The following OSBPL3 variants were observed in gnomAD, a reference collection of about 807,000 sequenced individuals.
OSBPL3 encodes oxysterol-binding protein-related protein 3.
Under a neutral mutation model 120.1 loss-of-function variants are expected in OSBPL3, and 65 were observed. That is an observed-to-expected ratio of 0.54 (90% CI 0.44 to 0.67). The LOEUF is 0.67. OSBPL3 is among the 30% of genes least tolerant of loss of function. The probability of loss-of-function intolerance (pLI) is 0.00; values close to 1 mark genes in which losing one functional copy is unlikely to be tolerated. For missense variants in OSBPL3, 1,004 were observed against 1,082.1 expected (o/e 0.93, Z 1.01); for synonymous variants, 416 against 402.6 (o/e 1.03, Z -0.40).
intron 1 of OSBPL3, among the ~76,000 whole-genome samples, chr7:24,908,611 G>C (rs1278530150): frequency 6.6e-6 from 1 of 152,172 alleles, no homozygotes; most frequent in African/African-American, 2.4e-5. Flanking sequence ...ACCGTGGTGA[G>C]ACAGATCCAG....
chr7:24,841,923 G>C (rs540811972), intron 13 of OSBPL3, among the ~76,000 whole-genome samples: 1 of 151,460 alleles, frequency 6.6e-6, no homozygotes, highest in South Asian at 2.1e-4. Flanking sequence ...TGAGGCTGGA[G>C]AATCACTTGA....
rs936204856 is a variant in OSBPL3, at chr7:24,894,583, T to G, written c.-149-1962A>C. ...CTGTGCTTGGGGCGGGGAGGGGGCA[T>G]CCACTGCTATGGCAACAGATTCCAC... On this transcript the variant is annotated intron_variant, in intron 1 of 22. Coordinates refer to ENST00000313367, the MANE Select transcript of OSBPL3 (RefSeq NM_015550.4). This position sits in a 1 kb window ranked among gnomAD's most constrained non-coding sequence, Gnocchi z 4.1. Among the ~76,000 whole-genome samples the G allele has an allele frequency of 6.6e-6, 1 of 152,010 alleles. No homozygotes were observed. Among genetic ancestry groups the G allele is most frequent in the African/African-American group, 2.4e-5 (1 of 41,386 alleles).
At chr7:24,807,471 C>T (rs527467300) in intron 20 of OSBPL3, among the ~76,000 whole-genome samples, 2 of 151,700 alleles carry the variant, frequency 1.3e-5, no homozygotes, top group African/African-American at 2.4e-5. Flanking sequence ...CCAGCCTGGG[C>T]GACAAGAGCG....
At chr7:24,814,021 G>A (rs1055130014) in intron 19 of OSBPL3, among the ~76,000 whole-genome samples, 16 of 152,124 alleles carry the variant, frequency 1.1e-4, no homozygotes, top group African/African-American at 3.4e-4. Flanking sequence ...TGGAGTCAAG[G>A]ATGATGAGGA....
In OSBPL3 at chr7:24,863,625, C is replaced by T. The variant is rs1269880483; in HGVS notation, c.674-26G>A. The T allele has an allele frequency of 4.4e-6, 6 of 1,376,422 alleles. No individual in the cohort carries two copies. The highest frequency in any genetic ancestry group is 5.2e-6 in the Non-Finnish European group (5 of 963,262). 85.3% of individuals were successfully genotyped at this position (1,376,422 alleles called of 1,614,324 possible). A position where few individuals can be genotyped will look rare whatever the true frequency, so the allele number is the denominator to read the frequency against. ...CTGTGGGGGAAAAGAGGACAGTGCT[C>T]ACAATGCTCCACTAGCAAGAGGGAT... On this transcript the variant is annotated intron_variant, in intron 7 of 22. Transcript: ENST00000313367. The surrounding 1 kb of genome is among the most constrained non-coding windows in gnomAD (Gnocchi z 5.8).
At chr7:24,885,227 CAAAAAAA>C (rs59823834) in intron 2 of OSBPL3, among the ~76,000 whole-genome samples, 2 of 112,190 alleles carry the variant, frequency 1.8e-5, no homozygotes, top group South Asian at 5.1e-4. Flanking sequence ...GTCTCAAAAA[CAAAAAAA>C]AAAAAAAAGA....
intron 12 of OSBPL3, among the ~76,000 whole-genome samples, chr7:24,844,892 T>C (rs561204857): frequency 5.3e-5 from 8 of 152,194 alleles, no homozygotes; most frequent in Non-Finnish European, 1.0e-4. Flanking sequence ...TCTGCTCCAT[T>C]CACTAACCAT....
intron 1 of OSBPL3, among the ~76,000 whole-genome samples, chr7:24,905,657 T>C (rs1311649625): frequency 1.3e-5 from 2 of 152,154 alleles, no homozygotes; most frequent in Non-Finnish European, 2.9e-5. Context: ...GAGTCATGAC[T>C]CCATACTGAT....
At chr7:24,811,309 C>T (rs1037041192) in intron 19 of OSBPL3, among the ~76,000 whole-genome samples, 1 of 152,082 alleles carries the variant, frequency 6.6e-6, no homozygotes, top group Non-Finnish European at 1.5e-5. Flanking sequence ...ATCTATTGGC[C>T]ACTTGTATGT....
chr7:24,869,360 A>G (rs1367360766), intron 5 of OSBPL3, among the ~76,000 whole-genome samples: 1 of 152,250 alleles, frequency 6.6e-6, no homozygotes, highest in Admixed American at 6.5e-5. Flanking sequence ...ACCTGAAGAA[A>G]TAACCTAAAC....
At position 24,968,364 on chromosome 7, in the gene OSBPL3, C is replaced by T. The variant is rs116354060; in HGVS notation, c.-150+11522G>A. Reference sequence around the variant, plus strand: ...TTGGGAAGTCACGCACAGTTGGTTCCCACATGCCGGTGTAAACTGGCTTCA... The same window carrying T: ...TTGGGAAGTCACGCACAGTTGGTTCTCACATGCCGGTGTAAACTGGCTTCA... On this transcript the variant is annotated intron_variant, in intron 1 of 22. Transcript: ENST00000313367. This position sits in a 1 kb window ranked among gnomAD's most constrained non-coding sequence, Gnocchi z 4.6. Among the ~76,000 whole-genome samples, 2,280 of 152,282 alleles carry T rather than the reference C, an allele frequency of 0.015. 67 individuals carry two copies. Among genetic ancestry groups the T allele is most frequent in the African/African-American group, 0.052 (2,177 of 41,564 alleles).
At chr7:24,905,645 A>G (rs995394485) in intron 1 of OSBPL3, among the ~76,000 whole-genome samples, 2 of 152,198 alleles carry the variant, frequency 1.3e-5, no homozygotes, top group Admixed American at 1.3e-4. Flanking sequence ...GTCCAGGGCT[A>G]AGAGTCATGA....
intron 1 of OSBPL3, among the ~76,000 whole-genome samples, chr7:24,944,624 C>CAAAA (rs34339147): frequency 7.6e-6 from 1 of 131,934 alleles, no homozygotes; most frequent in Non-Finnish European, 1.6e-5. Flanking sequence ...AGCGAGACTC[C>CAAAA]AAAAAAAAAA....
intron 1 of OSBPL3, among the ~76,000 whole-genome samples, chr7:24,977,855 C>G (rs972410314): frequency 6.6e-6 from 1 of 151,828 alleles, no homozygotes; most frequent in Non-Finnish European, 1.5e-5. Context: ...GACTACGTCT[C>G]AAAAAAAGAA....
In OSBPL3 at chr7:24,881,088, CTCTT is replaced by C. The variant is rs1803621162; in HGVS notation, c.97-9023_97-9020del. On this transcript the variant is annotated intron_variant, in intron 2 of 22. Coordinates refer to ENST00000313367, the MANE Select transcript of OSBPL3 (RefSeq NM_015550.4). The surrounding 1 kb of genome is among the most constrained non-coding windows in gnomAD (Gnocchi z 4.3). ...CAGCACCAGCTGAGAACAGTGCTCT[CTCTT>C]ACAGAGTGCTCAAAACTATTTTTTC... 1.3e-5 allele frequency among the ~76,000 whole-genome samples: 2 copies of C among 152,312 alleles called. No homozygotes were observed. Among genetic ancestry groups the C allele is most frequent in the East Asian group, 3.9e-4 (2 of 5,188 alleles).
At chr7:24,942,502 T>C (rs918638822) in intron 1 of OSBPL3, among the ~76,000 whole-genome samples, 83 of 152,156 alleles carry the variant, frequency 5.5e-4, no homozygotes, top group African/African-American at 1.9e-3. Flanking sequence ...ACCAGCAGAA[T>C]AGGGAATCCT....
At position 24,834,913 on chromosome 7, in the gene OSBPL3, A is replaced by G. The variant is rs1387553539; in HGVS notation, c.1496-177T>C. Among the ~76,000 whole-genome samples, 7 of 152,242 alleles carry G rather than the reference A, an allele frequency of 4.6e-5. No individual in the cohort carries two copies. ...AGAATTCTGAGCAATTAAATACCAA[A>G]AATGACACACACTAAAACCCATCGA... is the stretch of plus-strand genomic sequence containing the variant. On this transcript the variant is annotated intron_variant, in intron 14 of 22. Transcript: ENST00000313367. This position sits in a 1 kb window ranked among gnomAD's most constrained non-coding sequence, Gnocchi z 5.2.
rs1390575023 is a variant in OSBPL3 at position 24,817,039 on chromosome 7, T to C, written c.1949-351A>G. On this transcript the variant is annotated intron_variant, in intron 17 of 22. Coordinates refer to ENST00000313367, the MANE Select transcript of OSBPL3 (RefSeq NM_015550.4). The surrounding 1 kb of genome is among the most constrained non-coding windows in gnomAD (Gnocchi z 4.0). ...GCTTGGAGAAAGCATCAGAAGAGGC[T>C]TGTCAGAAAGGGCCATCTAAATGGG... Among the ~76,000 whole-genome samples, 1 of 152,144 alleles carries C rather than the reference T, an allele frequency of 6.6e-6. No individual in the cohort carries two copies. Among genetic ancestry groups the C allele is most frequent in the African/African-American group, 2.4e-5 (1 of 41,428 alleles).
chr7:24,927,908 G>A (rs10244418), intron 1 of OSBPL3, among the ~76,000 whole-genome samples: 8,059 of 152,168 alleles, frequency 0.053, 298 homozygotes, highest in Non-Finnish European at 0.077. Context: ...CTGTGTCCCT[G>A]CTCAAATTTT....
Sources: allele counts gnomAD v4.1 joint callset (sites outside exome capture counted in the v4.1 genomes callset), GRCh38; gene constraint gnomAD v4.1.1; non-coding constraint Gnocchi (gnomAD v3.1); transcripts MANE v1.5; gene names NCBI Gene and HGNC (gene_info 2026-07-23, HGNC 2026-07-21).